The following TENM2 variants were observed in gnomAD, a reference collection of about 807,000 sequenced individuals.
TENM2 encodes the protein teneurin transmembrane protein 2.
Under a neutral mutation model 245.2 loss-of-function variants are expected in TENM2, and 52 were observed. That is an observed-to-expected ratio of 0.21 (90% CI 0.17 to 0.27). The LOEUF is 0.27. Among genes scored for constraint, TENM2 ranks in the 10% least tolerant of loss-of-function variants. The pLI is 1.00. For synonymous variants in TENM2, 1,363 were observed against 1,438.9 expected (o/e 0.95, Z 1.19); for missense variants, 3,046 against 3,666.8 (o/e 0.83, Z 4.37).
At chr5:168,104,604 G>A (rs140300356) in intron 9 of TENM2, among the ~76,000 whole-genome samples, 13 of 152,310 alleles carry the variant, frequency 8.5e-5, no homozygotes, top group Non-Finnish European at 1.3e-4. Context: ...CTCACACTGC[G>A]CCTCCCGTGC....
At chr5:167,788,843 T>G (rs1414059549) in intron 2 of TENM2, among the ~76,000 whole-genome samples, 1 of 152,214 alleles carries the variant, frequency 6.6e-6, no homozygotes, top group Non-Finnish European at 1.5e-5. Flanking sequence ...AGCCAAGAAG[T>G]GACTTACGTC....
intron 5 of TENM2, among the ~76,000 whole-genome samples, chr5:168,016,980 G>A (rs1785710829): frequency 6.6e-6 from 1 of 152,192 alleles, no homozygotes. Context: ...ACCACACTGA[G>A]CCACCCAGGA....
chr5:168,012,774 G>GAAA (rs3056563), intron 5 of TENM2, among the ~76,000 whole-genome samples: 2,173 of 74,166 alleles, frequency 0.029, 86 homozygotes, highest in African/African-American at 0.088. Context: ...AAGAACAACT[G>GAAA]AAAAAAAAAA....
At chr5:167,271,771 A>C in the TENM2 span, among the ~76,000 whole-genome samples, 1 of 152,164 alleles carries the variant, frequency 6.6e-6, no homozygotes. Context: ...GAAGCTAGGG[A>C]GCAAAACACA....
At chr5:168,262,435 C>G (rs540250500) in exon 29 of TENM2, 20 of 1,574,736 alleles carry the variant, frequency 1.3e-5, no homozygotes, top group Admixed American at 1.8e-5. Context: ...TGAACGTGAC[C>G]GTGTCCCAGC....
chr5:167,360,814 G>T (rs1170136841), intron 1 of TENM2, among the ~76,000 whole-genome samples: 1 of 152,156 alleles, frequency 6.6e-6, no homozygotes, highest in Non-Finnish European at 1.5e-5. Context: ...TGGAGATTGG[G>T]AGTGGAAGTT....
intron 2 of TENM2, among the ~76,000 whole-genome samples, chr5:167,557,678 G>T (rs973077237): frequency 1.8e-4 from 28 of 152,164 alleles, no homozygotes; most frequent in Admixed American, 1.6e-3. Flanking sequence ...CAGTAGGGGG[G>T]TGATTCTGCC....
chr5:167,599,925 C>G (rs1454288296), intron 2 of TENM2, among the ~76,000 whole-genome samples: 2 of 151,770 alleles, frequency 1.3e-5, no homozygotes, highest in Non-Finnish European at 2.9e-5. Flanking sequence ...GTGGGCAGAT[C>G]ACTTGATGTC....
intron 14 of TENM2, chr5:168,190,819 TA>T (rs1467424026): frequency 3.2e-6 from 1 of 308,874 alleles, no homozygotes; most frequent in Non-Finnish European, 5.9e-6. Context: ...AGATCATTTT[TA>T]AAATCTGTTA....
chr5:167,504,024 A>G (rs1235043270), intron 2 of TENM2, among the ~76,000 whole-genome samples: 1 of 152,214 alleles, frequency 6.6e-6, no homozygotes, highest in African/African-American at 2.4e-5. Context: ...GATTTGGTTT[A>G]CCGCTTGGAT....
chr5:167,766,773 G>A (rs940135166), intron 2 of TENM2, among the ~76,000 whole-genome samples: 1 of 152,086 alleles, frequency 6.6e-6, no homozygotes, highest in African/African-American at 2.4e-5. Flanking sequence ...CAGCTACTCG[G>A]GAGGCTGAGG....
At chr5:167,351,617 G>A (rs997065634) in intron 1 of TENM2, among the ~76,000 whole-genome samples, 5 of 152,184 alleles carry the variant, frequency 3.3e-5, no homozygotes, top group African/African-American at 1.2e-4. Context: ...ACATATAGAG[G>A]TGATGAAAAC....
At chr5:167,728,704 G>A (rs1456869363) in intron 2 of TENM2, 1 of 152,410 alleles carries the variant, frequency 6.6e-6, no homozygotes, top group Admixed American at 6.5e-5. Flanking sequence ...AGCTCGAGAA[G>A]CCTGGAACTC....
At chr5:167,912,822 T>C (rs1393856708) in intron 3 of TENM2, among the ~76,000 whole-genome samples, 1 of 152,120 alleles carries the variant, frequency 6.6e-6, no homozygotes, top group Non-Finnish European at 1.5e-5. Context: ...TACCTTTCCT[T>C]CTCCCAAGAG....
the TENM2 span, among the ~76,000 whole-genome samples, chr5:167,042,989 T>C: frequency 6.6e-6 from 1 of 152,206 alleles, no homozygotes; most frequent in South Asian, 2.1e-4. Flanking sequence ...GGACTTCCAG[T>C]TGGCCAGTGA....
At chr5:168,060,236 AAAAAAAG>A (rs1159815140) in intron 6 of TENM2, among the ~76,000 whole-genome samples, 1 of 151,414 alleles carries the variant, frequency 6.6e-6, no homozygotes, top group Non-Finnish European at 1.5e-5. Context: ...CGAAAAAAAA[AAAAAAAG>A]AAAAAAGAAA....
At chr5:167,806,991 A>G (rs1766226213) in intron 2 of TENM2, among the ~76,000 whole-genome samples, 1 of 151,754 alleles carries the variant, frequency 6.6e-6, no homozygotes, top group Admixed American at 6.6e-5. Flanking sequence ...AGTCACAAAG[A>G]CATAATTGAC....
the TENM2 span, among the ~76,000 whole-genome samples, chr5:167,033,022 G>A: frequency 1.3e-5 from 2 of 152,152 alleles, no homozygotes; most frequent in South Asian, 2.1e-4. Context: ...GTAGGTTCAT[G>A]TAGGTAGGGC....
chr5:168,070,826 AG>A, intron 7 of TENM2, among the ~76,000 whole-genome samples: 1 of 148,436 alleles, frequency 6.7e-6, no homozygotes, highest in African/African-American at 2.5e-5. Flanking sequence ...AGAGAAAAAA[AG>A]AAAGAAGAAA....
Sources: allele counts gnomAD v4.1 joint callset (sites outside exome capture counted in the v4.1 genomes callset), GRCh38; gene constraint gnomAD v4.1.1; transcripts MANE v1.5; gene names NCBI Gene and HGNC (gene_info 2026-07-23, HGNC 2026-07-21).